OSBPL6: variants seen among roughly 807,000 people sequenced by gnomAD.
OSBPL6 encodes oxysterol binding protein like 6, also known as oxysterol-binding protein-related protein 6.
In OSBPL6, 49 loss-of-function variants were observed where a neutral mutation model predicts 125.8. The observed-to-expected ratio is 0.39, with a 90% CI of 0.31 to 0.49. The LOEUF is 0.49. OSBPL6 is among the 20% of genes least tolerant of loss of function. The pLI is 0.88. For missense variants in OSBPL6, 986 were observed against 1,135.4 expected (o/e 0.87, Z 1.89); for synonymous variants, 394 against 391.8 (o/e 1.01, Z -0.07).
At chr2:178,279,284 T>C (rs1034115609) in intron 1 of OSBPL6, among the ~76,000 whole-genome samples, 1 of 152,174 alleles carries the variant, frequency 6.6e-6, no homozygotes, top group Non-Finnish European at 1.5e-5. Flanking sequence ...GGGAATGCAC[T>C]AGACAAGAAC....
chr2:178,383,991 A>G (rs1173766949), intron 17 of OSBPL6, 48 bp from the exon 18 acceptor site: 1 of 1,590,102 alleles, frequency 6.3e-7, no homozygotes, highest in Non-Finnish European at 8.6e-7. Flanking sequence ...AAACAGACCC[A>G]GCAGTCGTCT....
chr2:178,360,378 G>T (rs1441811627), intron 12 of OSBPL6, among the ~76,000 whole-genome samples: 1 of 152,058 alleles, frequency 6.6e-6, no homozygotes, highest in African/African-American at 2.4e-5. Flanking sequence ...CGCGGTGGGG[G>T]GGCGGGAAAT....
At chr2:178,236,498 A>T (rs1004311774) in intron 1 of OSBPL6, among the ~76,000 whole-genome samples, 2 of 152,086 alleles carry the variant, frequency 1.3e-5, no homozygotes, top group African/African-American at 4.8e-5. Context: ...TGGGCCTGCT[A>T]CCCCTGGTGA....
At chr2:178,327,830 C>A (rs1261059339) in intron 4 of OSBPL6, among the ~76,000 whole-genome samples, 1 of 152,070 alleles carries the variant, frequency 6.6e-6, no homozygotes, top group African/African-American at 2.4e-5. Flanking sequence ...CTTGAGACAA[C>A]AGCAGCCTTT....
At chr2:178,300,419 G>T (rs1231599122) in intron 2 of OSBPL6, among the ~76,000 whole-genome samples, 6 of 152,240 alleles carry the variant, frequency 3.9e-5, no homozygotes, top group Admixed American at 3.3e-4. Context: ...CTGCCATAGA[G>T]AGGGTAAGGG....
At position 178,329,417 on chromosome 2, in the gene OSBPL6, ATT is replaced by A. The variant is rs199952604; in HGVS notation, c.318+1053_318+1054del. ...AACTATTATTTTTATTTATTTACTT[ATT>A]TTTTTTTTTTTTTGAGACAGAGTCT... On this transcript the variant is annotated intron_variant, in intron 5 of 24. Coordinates refer to ENST00000190611, the MANE Select transcript of OSBPL6 (RefSeq NM_032523.4). Among the ~76,000 whole-genome samples the A allele has an allele frequency of 6.5e-3, 903 of 139,486 alleles. 7 individuals are homozygous for A. Among genetic ancestry groups the A allele is most frequent in the Middle Eastern group, 0.056 (15 of 268 alleles). 91.5% of individuals were successfully genotyped at this position (139,486 alleles called of 152,430 possible). A position where few individuals can be genotyped will look rare whatever the true frequency, so the allele number is the denominator to read the frequency against.
At position 178,257,493 on chromosome 2, in the gene OSBPL6, C is replaced by T. The variant is rs143011762; in HGVS notation, c.-350-27434C>T. ...TAAAAAGTGAATAAACTTTTTCTGTCGTAATATATTAATGATTTCTTCAAC... is the reference window on the plus strand; with the variant it reads ...TAAAAAGTGAATAAACTTTTTCTGTTGTAATATATTAATGATTTCTTCAAC... On this transcript the variant is annotated intron_variant, in intron 1 of 24. Coordinates refer to ENST00000190611, the MANE Select transcript of OSBPL6 (RefSeq NM_032523.4). Among the ~76,000 whole-genome samples the T allele has an allele frequency of 6.0e-3, 910 of 152,090 alleles. 10 individuals carry two copies. Among genetic ancestry groups the T allele is most frequent in the African/African-American group, 0.02 (850 of 41,496 alleles).
intron 1 of OSBPL6, among the ~76,000 whole-genome samples, chr2:178,261,949 A>G (rs1422015760): frequency 6.6e-6 from 1 of 152,184 alleles, no homozygotes; most frequent in Non-Finnish European, 1.5e-5. Context: ...TTATAGTCAG[A>G]TGAGAGCTAT....
chr2:178,193,813 T>G (rs763719320), upstream of OSBPL6, among the ~76,000 whole-genome samples: 6 of 152,190 alleles, frequency 3.9e-5, no homozygotes, highest in African/African-American at 1.4e-4. Context: ...ACTGACTGAC[T>G]TTGATCGGCT....
At chr2:178,372,101 C>T (rs750140747) in intron 13 of OSBPL6, 25 bp from the exon 14 acceptor site, 1 of 1,520,022 alleles carries the variant, frequency 6.6e-7, no homozygotes, top group Admixed American at 1.7e-5. Flanking sequence ...TTTTAAATTA[C>T]ATATGTGGTT....
intron 1 of OSBPL6, among the ~76,000 whole-genome samples, chr2:178,200,246 C>A (rs913523786): frequency 6.7e-5 from 9 of 133,596 alleles, no homozygotes; most frequent in Non-Finnish European, 1.3e-4. Flanking sequence ...TTTCTTCAGA[C>A]CTTTTTTTTT....
At chr2:178,266,464 G>C (rs966873299) in intron 1 of OSBPL6, among the ~76,000 whole-genome samples, 1 of 152,182 alleles carries the variant, frequency 6.6e-6, no homozygotes, top group Admixed American at 6.5e-5. Flanking sequence ...CCAAACAGAA[G>C]CCAGTTCTGT....
Position 178,383,061 on chromosome 2 carries a change from T to C in OSBPL6, c.1659T>C (p.Asn553=). 3 of 1,614,192 alleles carry C rather than the reference T, an allele frequency of 1.9e-6. No individual in the cohort carries two copies. The highest frequency in any genetic ancestry group is 2.5e-6 in the Non-Finnish European group (3 of 1,180,026). Residue 553 remains asparagine (N), a synonymous_variant, in exon 17 of 25, where the codon AAT becomes AAC. Coordinates refer to ENST00000190611, the MANE Select transcript of OSBPL6 (RefSeq NM_032523.4). ...NGELTGGAFR[N]GRRACLPAPC... is the part of the protein sequence containing the mutation. ...AGCTTACAGGAGGGGCCTTCCGAAA[T>C]GGGCGTCGAGCATGCCTGCCAGCTC...
At chr2:178,273,823 A>T (rs2092418233) in intron 1 of OSBPL6, among the ~76,000 whole-genome samples, 1 of 152,202 alleles carries the variant, frequency 6.6e-6, no homozygotes, top group Non-Finnish European at 1.5e-5. Flanking sequence ...GGCATACAGC[A>T]TACACTTATT....
At chr2:178,381,701 G>T (rs537239121) in intron 15 of OSBPL6, among the ~76,000 whole-genome samples, 1 of 152,250 alleles carries the variant, frequency 6.6e-6, no homozygotes, top group Admixed American at 6.5e-5. Flanking sequence ...CTAGTATCTG[G>T]CCTCCCTAGG....
intron 1 of OSBPL6, among the ~76,000 whole-genome samples, chr2:178,250,301 A>G (rs1011899461): frequency 6.6e-6 from 1 of 152,154 alleles, no homozygotes; most frequent in African/African-American, 2.4e-5. Flanking sequence ...CTCATTTGCC[A>G]ATATTTTTGC....
At chr2:178,201,035 C>A (rs1559109015) in intron 1 of OSBPL6, among the ~76,000 whole-genome samples, 1 of 152,160 alleles carries the variant, frequency 6.6e-6, no homozygotes, top group Non-Finnish European at 1.5e-5. Context: ...ACCTTGTGAT[C>A]TGCCCACCTC....
chr2:178,334,873 A>ATTATCT (rs1007258863), intron 8 of OSBPL6, among the ~76,000 whole-genome samples: 1 of 152,180 alleles, frequency 6.6e-6, no homozygotes, highest in African/African-American at 2.4e-5. Flanking sequence ...GGACTATTTA[A>ATTATCT]TTATCTTTTT....
At chr2:178,230,301 T>C (rs912556920) in intron 1 of OSBPL6, 1 of 152,200 alleles carries the variant, frequency 6.6e-6, no homozygotes, top group East Asian at 1.9e-4. Context: ...GAGGAAGTTG[T>C]TCTGTTCCTG....
Sources: gnomAD v4.1 joint callset for allele counts (sites outside exome capture counted in the v4.1 genomes callset) on GRCh38, gnomAD v4.1.1 for gene constraint, MANE v1.5 for transcripts, NCBI Gene and HGNC (gene_info 2026-07-23, HGNC 2026-07-21) for gene names.